STXBP5L: variants seen among roughly 807,000 people sequenced by gnomAD.
The protein encoded by STXBP5L is syntaxin binding protein 5L.
In STXBP5L, 65 loss-of-function variants were observed where a neutral mutation model predicts 144.5. That is an observed-to-expected ratio of 0.45 (90% CI 0.37 to 0.55). The LOEUF (loss-of-function observed/expected upper bound fraction) is 0.55, where lower values mean the gene tolerates loss of function less well. Ranked by LOEUF, STXBP5L falls within the 20% of genes least tolerant of loss-of-function variation. The pLI, the probability that STXBP5L is intolerant of heterozygous loss-of-function variation, is 0.00. For missense variants in STXBP5L, 1,298 were observed against 1,405.5 expected (o/e 0.92, Z 1.22); for synonymous variants, 505 against 469.6 (o/e 1.08, Z -0.97).
chr3:120,975,201 T>C (rs1940812015), intron 3 of STXBP5L, among the ~76,000 whole-genome samples: 1 of 152,234 alleles, frequency 6.6e-6, no homozygotes, highest in Non-Finnish European at 1.5e-5. Context: ...CATTTGGTTG[T>C]ATCCTCTTTT....
intron 7 of STXBP5L, among the ~76,000 whole-genome samples, chr3:121,133,172 C>A (rs115621728): frequency 1.4e-4 from 21 of 152,106 alleles, no homozygotes; most frequent in African/African-American, 4.1e-4. Context: ...GAGTTTGAGA[C>A]CAGCCTGGAC....
chr3:121,370,224 CA>C (rs1429833542), intron 20 of STXBP5L, among the ~76,000 whole-genome samples: 1 of 152,042 alleles, frequency 6.6e-6, no homozygotes, highest in Non-Finnish European at 1.5e-5. Flanking sequence ...AAAAATTAGC[CA>C]GGCATGATGG....
intron 20 of STXBP5L, among the ~76,000 whole-genome samples, chr3:121,323,363 T>C (rs1017792207): frequency 1.3e-5 from 2 of 152,232 alleles, no homozygotes; most frequent in Non-Finnish European, 2.9e-5. Context: ...CATTCATTTT[T>C]GTGTATAGTG....
At chr3:120,989,859 T>C (rs760991759) in intron 3 of STXBP5L, among the ~76,000 whole-genome samples, 2 of 152,168 alleles carry the variant, frequency 1.3e-5, no homozygotes, top group Non-Finnish European at 2.9e-5. Context: ...TCATACTGAA[T>C]GGGCAAAAAC....
chr3:121,038,410 A>T (rs1560039495), intron 3 of STXBP5L, among the ~76,000 whole-genome samples: 1 of 151,812 alleles, frequency 6.6e-6, no homozygotes. Flanking sequence ...AAACATTTGG[A>T]GGGTTTTCTG....
At chr3:121,108,145 A>G (rs2043804558) in intron 5 of STXBP5L, among the ~76,000 whole-genome samples, 1 of 152,170 alleles carries the variant, frequency 6.6e-6, no homozygotes, top group African/African-American at 2.4e-5. Flanking sequence ...ATGTACGATT[A>G]TGTTATCTAC....
chr3:121,296,268 G>T (rs985583239), intron 19 of STXBP5L, among the ~76,000 whole-genome samples: 1 of 152,182 alleles, frequency 6.6e-6, no homozygotes, highest in African/African-American at 2.4e-5. Flanking sequence ...AAAGCATGAT[G>T]TTTGACTTGT....
chr3:120,975,337 C>G (rs1188005785), intron 3 of STXBP5L, among the ~76,000 whole-genome samples: 3 of 152,066 alleles, frequency 2.0e-5, no homozygotes, highest in East Asian at 3.9e-4. Flanking sequence ...TGATTTGGCT[C>G]TTTGTTTGTC....
At chr3:121,364,639 T>C (rs956588071) in intron 20 of STXBP5L, among the ~76,000 whole-genome samples, 16 of 152,188 alleles carry the variant, frequency 1.1e-4, no homozygotes, top group African/African-American at 3.6e-4. Flanking sequence ...TAATGTTTTA[T>C]AGATATCATT....
intron 10 of STXBP5L, among the ~76,000 whole-genome samples, chr3:121,216,702 C>T (rs1304555193): frequency 2.0e-5 from 3 of 152,208 alleles, no homozygotes; most frequent in Admixed American, 2.0e-4. Flanking sequence ...CTTAGCAGAG[C>T]TCGAGCACTG....
At chr3:121,233,776 T>C in intron 12 of STXBP5L, 88 bp downstream of exon 12, 1 of 1,003,700 alleles carries the variant, frequency 1.0e-6, no homozygotes, top group Middle Eastern at 2.7e-4. Context: ...GAAGTATTCT[T>C]TGTGTGAATA....
intron 10 of STXBP5L, among the ~76,000 whole-genome samples, 187 bp downstream of exon 10, chr3:121,206,188 A>G (rs907996133): frequency 6.6e-6 from 1 of 152,188 alleles, no homozygotes; most frequent in Non-Finnish European, 1.5e-5. Context: ...ATTATAAATT[A>G]CAAGTGTTAA....
chr3:121,181,009 T>G (rs2047125366), intron 9 of STXBP5L, among the ~76,000 whole-genome samples: 1 of 148,630 alleles, frequency 6.7e-6, no homozygotes, highest in Admixed American at 6.7e-5. Flanking sequence ...AAGGAAACAG[T>G]ACCTCACATC....
intron 14 of STXBP5L, among the ~76,000 whole-genome samples, chr3:121,242,515 G>A (rs1263387472): frequency 6.6e-6 from 1 of 152,016 alleles, no homozygotes; most frequent in Non-Finnish European, 1.5e-5. Flanking sequence ...TTATGCAGAG[G>A]TACACTTAAA....
chr3:121,063,443 G>A (rs919518975), intron 5 of STXBP5L, among the ~76,000 whole-genome samples: 1 of 152,192 alleles, frequency 6.6e-6, no homozygotes, highest in African/African-American at 2.4e-5. Flanking sequence ...ACCCCTGCTG[G>A]GAGGTGTCTC....
chr3:121,412,743 A>C (rs887411928), intron 23 of STXBP5L, among the ~76,000 whole-genome samples: 2 of 148,620 alleles, frequency 1.3e-5, no homozygotes, highest in Non-Finnish European at 3.0e-5. Context: ...AAAAAAAAAA[A>C]AAAAAACAAA....
At chr3:121,305,068 T>C (rs1402195009) in intron 19 of STXBP5L, among the ~76,000 whole-genome samples, 1 of 152,102 alleles carries the variant, frequency 6.6e-6, no homozygotes, top group Non-Finnish European at 1.5e-5. Context: ...ACAATTTAGA[T>C]GAAATTAAGA....
chr3:121,226,651 C>G (rs1364676974), intron 11 of STXBP5L, among the ~76,000 whole-genome samples: 1 of 152,100 alleles, frequency 6.6e-6, no homozygotes, highest in Admixed American at 6.6e-5. Flanking sequence ...TTAGTTATAA[C>G]CAAATGTTAG....
At chr3:121,303,579 G>C (rs934943018) in intron 19 of STXBP5L, among the ~76,000 whole-genome samples, 15 of 152,188 alleles carry the variant, frequency 9.9e-5, no homozygotes, top group African/African-American at 2.9e-4. Flanking sequence ...ACATGCACAC[G>C]TATGTTTACT....
Sources: gnomAD v4.1 joint callset for allele counts (sites outside exome capture counted in the v4.1 genomes callset) on GRCh38, gnomAD v4.1.1 for gene constraint, MANE v1.5 for transcripts, NCBI Gene and HGNC (gene_info 2026-07-23, HGNC 2026-07-21) for gene names.